The following UNC13C variants were observed in gnomAD, a reference collection of about 807,000 sequenced individuals.
The protein encoded by UNC13C is protein unc-13 homolog C.
A neutral mutation model predicts 245.4 loss-of-function variants in UNC13C; 174 were observed. That is an observed-to-expected ratio of 0.71 (90% CI 0.63 to 0.80). The LOEUF is 0.80. Among genes scored for constraint, UNC13C ranks in the 30% least tolerant of loss-of-function variants. The probability of loss-of-function intolerance (pLI) is 0.00; values close to 1 mark genes in which losing one functional copy is unlikely to be tolerated. For missense variants in UNC13C, 2,829 were observed against 2,602.9 expected (o/e 1.09, Z -1.89); for synonymous variants, 992 against 895.1 (o/e 1.11, Z -1.93).
At chr15:54,492,873 C>A (rs530634050) in intron 19 of UNC13C, among the ~76,000 whole-genome samples, 3 of 152,142 alleles carry the variant, frequency 2.0e-5, no homozygotes, top group African/African-American at 7.2e-5. Context: ...TTCTAGGACA[C>A]AGGAGGAAAA....
chr15:53,892,341 T>A, the UNC13C span, among the ~76,000 whole-genome samples: 2 of 152,138 alleles, frequency 1.3e-5, no homozygotes, highest in African/African-American at 2.4e-5. Context: ...GTGAATCTGA[T>A]GATTGTGTGT....
At chr15:53,942,363 G>A in the UNC13C span, among the ~76,000 whole-genome samples, 2 of 152,054 alleles carry the variant, frequency 1.3e-5, no homozygotes, top group African/African-American at 4.8e-5. Context: ...GAGAACATAT[G>A]GACACATGTG....
At chr15:54,552,674 TA>T (rs1566905077) in intron 28 of UNC13C, among the ~76,000 whole-genome samples, 8 of 84,316 alleles carry the variant, frequency 9.5e-5, no homozygotes, top group Non-Finnish European at 1.4e-4. Context: ...TTGTACTATA[TA>T]ATATAATTAT....
chr15:54,269,672 G>T (rs1041009717), intron 10 of UNC13C, among the ~76,000 whole-genome samples: 1 of 152,038 alleles, frequency 6.6e-6, no homozygotes, highest in African/African-American at 2.4e-5. Flanking sequence ...CCACCAGACT[G>T]GCTAAAATGC....
chr15:54,408,735 C>G (rs1412936028), intron 18 of UNC13C, among the ~76,000 whole-genome samples: 2 of 152,150 alleles, frequency 1.3e-5, no homozygotes, highest in East Asian at 3.8e-4. Context: ...GTGTTTTCTT[C>G]CAGCTAATCT....
intron 30 of UNC13C, among the ~76,000 whole-genome samples, chr15:54,596,666 C>G (rs1021647306): frequency 6.6e-6 from 1 of 152,134 alleles, no homozygotes; most frequent in Non-Finnish European, 1.5e-5. Flanking sequence ...GAGGTGGGAT[C>G]TAGTGGGAGG....
intron 30 of UNC13C, among the ~76,000 whole-genome samples, chr15:54,612,500 T>G (rs1186049323): frequency 6.6e-6 from 1 of 152,070 alleles, no homozygotes; most frequent in Non-Finnish European, 1.5e-5. Flanking sequence ...TTTAAGTTTG[T>G]GATTTGATTT....
intron 4 of UNC13C, among the ~76,000 whole-genome samples, chr15:54,198,990 TA>T (rs1286250990): frequency 1.5e-4 from 23 of 151,518 alleles, no homozygotes; most frequent in African/African-American, 5.3e-4. Context: ...AAAGCATAAA[TA>T]AAAAACAATT....
chr15:54,040,398 G>A (rs1252738815), intron 2 of UNC13C, among the ~76,000 whole-genome samples: 1 of 151,876 alleles, frequency 6.6e-6, no homozygotes, highest in Admixed American at 6.6e-5. Flanking sequence ...CTATCACCTG[G>A]GAGTTTGTTA....
chr15:54,541,783 T>C (rs1263712982), intron 26 of UNC13C, among the ~76,000 whole-genome samples: 1 of 152,166 alleles, frequency 6.6e-6, no homozygotes, highest in African/African-American at 2.4e-5. Context: ...TACATCATTA[T>C]GTCACCATGA....
intron 2 of UNC13C, among the ~76,000 whole-genome samples, chr15:54,063,695 A>G (rs1897947299): frequency 6.6e-6 from 1 of 152,194 alleles, no homozygotes; most frequent in African/African-American, 2.4e-5. Context: ...GAATCACTTG[A>G]CCTTTTAAAA....
At chr15:53,976,379 C>T (rs2725586), upstream of UNC13C, among the ~76,000 whole-genome samples, 66,888 of 151,092 alleles carry the variant, frequency 0.44, 15,208 homozygotes, top group East Asian at 0.61. Context: ...GATTCATTTC[C>T]TCTACGAGAA....
intron 7 of UNC13C, among the ~76,000 whole-genome samples, chr15:54,245,189 C>T (rs2035959829): frequency 6.6e-6 from 1 of 152,110 alleles, no homozygotes; most frequent in South Asian, 2.1e-4. Flanking sequence ...TCATACCACT[C>T]TCATCACTTG....
chr15:54,562,366 A>C (rs955860119), intron 29 of UNC13C, among the ~76,000 whole-genome samples: 1 of 151,998 alleles, frequency 6.6e-6, no homozygotes, highest in Non-Finnish European at 1.5e-5. Context: ...GGACAGATGA[A>C]GAATTATATT....
At chr15:53,998,860 G>A (rs1894753543) in intron 1 of UNC13C, among the ~76,000 whole-genome samples, 1 of 151,930 alleles carries the variant, frequency 6.6e-6, no homozygotes, top group African/African-American at 2.4e-5. Flanking sequence ...GTACATAAGT[G>A]ATTATATGCT....
At chr15:54,246,796 T>C (rs1441159640) in intron 7 of UNC13C, among the ~76,000 whole-genome samples, 1 of 151,958 alleles carries the variant, frequency 6.6e-6, no homozygotes, top group Non-Finnish European at 1.5e-5. Flanking sequence ...GAATAGCTAA[T>C]GGATGCTGGG....
At chr15:54,184,195 GT>G (rs1425961375) in intron 4 of UNC13C, among the ~76,000 whole-genome samples, 2 of 151,878 alleles carry the variant, frequency 1.3e-5, no homozygotes, top group Non-Finnish European at 1.5e-5. Context: ...ATTTTCCTTT[GT>G]TAAAGTTTTA....
chr15:53,946,036 T>C, the UNC13C span, among the ~76,000 whole-genome samples: 1 of 152,160 alleles, frequency 6.6e-6, no homozygotes, highest in Non-Finnish European at 1.5e-5. Context: ...TTTTCTGATT[T>C]GGCTGTTGGT....
At position 54,538,801 on chromosome 15, in the gene UNC13C, C is replaced by T. The variant is rs8033880; in HGVS notation, c.5696+5735C>T. The stretch of plus-strand genomic sequence containing the variant: ...ATAAGTGAGAGCTAAACACTGAGTA[C>T]AAATAGGCACAAAGAAGGGAACAAT... On this transcript the variant is annotated intron_variant, in intron 26 of 32. Coordinates refer to ENST00000260323, the MANE Select transcript of UNC13C (RefSeq NM_001080534.3). Among the ~76,000 whole-genome samples, 486 of 152,010 alleles carry T rather than the reference C, an allele frequency of 3.2e-3. 7 individuals are homozygous for T. The highest frequency in any genetic ancestry group is 0.011 in the African/African-American group (455 of 41,488).
Sources: allele counts gnomAD v4.1 joint callset (sites outside exome capture counted in the v4.1 genomes callset), GRCh38; gene constraint gnomAD v4.1.1; transcripts MANE v1.5; gene names NCBI Gene and HGNC (gene_info 2026-07-23, HGNC 2026-07-21).